The following RAG2 variants were observed in gnomAD, a reference collection of about 807,000 sequenced individuals.
The protein encoded by RAG2 is V(D)J recombination-activating protein 2.
RAG2 carries 16 observed loss-of-function variants against 31.8 expected under a neutral mutation model. The ratio of observed to expected loss-of-function variants is 0.50; its 90% CI spans 0.34 to 0.76. The LOEUF is 0.76. RAG2 is among the 30% of genes least tolerant of loss of function. RAG2 has a pLI of 0.01. For synonymous variants in RAG2, 199 were observed against 215.9 expected, an observed-to-expected ratio of 0.92 and a Z score of 0.68; for missense variants, 622 against 628.5, an observed-to-expected ratio of 0.99 and a Z score of 0.11.
At position 36,592,273 on chromosome 11, in the gene RAG2, A is replaced by T; in HGVS notation, c.*312T>A. The T allele has an allele frequency of 2.9e-6, 1 of 340,944 alleles. No individual in the cohort carries two copies. The highest frequency in any genetic ancestry group is 5.5e-6 in the Non-Finnish European group (1 of 182,840). The allele number at this position is 340,944 out of a possible 1,614,324, so 21.1% of individuals were successfully genotyped here. A position where few individuals can be genotyped will look rare whatever the true frequency, so the allele number is the denominator to read the frequency against. On this transcript the variant is annotated 3_prime_UTR_variant, in exon 2 of 2. Transcript: ENST00000311485. ...ACCAAGACTTATATAATAAATATAA[A>T]CATACCTCGATGATTATTACTGCTT...
In RAG2 at chr11:36,594,387, G is replaced by A. The variant is rs1851118994; in HGVS notation, c.-27-192C>T. Reference sequence around the variant, plus strand: ...TACTGCCATTCCATCCAAGGAGCTGGGACATGTTTTAGCCACGGACTATAT... The same window carrying A: ...TACTGCCATTCCATCCAAGGAGCTGAGACATGTTTTAGCCACGGACTATAT... On this transcript the variant is annotated intron_variant, in intron 1 of 1. Transcript: ENST00000311485. 3 of 591,844 alleles carry A rather than the reference G, an allele frequency of 5.1e-6. No homozygotes were observed. In the African/African-American group the frequency reaches 5.6e-5, roughly 11 times the overall value. The allele number at this position is 591,844 out of a possible 1,614,324, so 36.7% of individuals were successfully genotyped here.
At chr11:36,596,853 G>A (rs542365740) in intron 1 of RAG2, among the ~76,000 whole-genome samples, 21 of 152,318 alleles carry the variant, frequency 1.4e-4, no homozygotes, top group Non-Finnish European at 2.4e-4. Context: ...CTTCTCGTAA[G>A]TGAAAACATG....
In RAG2 at chr11:36,593,789, T is replaced by C. The variant is rs1564997285; in HGVS notation, c.380A>G (p.Lys127Arg). ...TTCAGGAACATCTCCTACCAAGTCT[T>C]TCTCTGTGCAGCGAAAAGTAACCTT... ...NKKVTFRCTE[K>R]DLVGDVPEAR... The change falls in exon 2 of 2, where the codon AAA becomes AGA. Residue 127 changes from lysine to arginine, a missense_variant. Lys to Arg is a conservative substitution (Grantham distance 26). Coordinates refer to ENST00000311485, the MANE Select transcript of RAG2 (RefSeq NM_000536.4). 1.2e-6 allele frequency: 2 copies of C among 1,614,208 alleles called. No homozygotes were observed. Among genetic ancestry groups the C allele is most frequent in the Non-Finnish European group, 1.7e-6 (2 of 1,180,024 alleles).
At chr11:36,591,124 C>G (rs1403785988), downstream of RAG2, among the ~76,000 whole-genome samples, 1 of 151,930 alleles carries the variant, frequency 6.6e-6, no homozygotes, top group Non-Finnish European at 1.5e-5. Context: ...ATGGAAACAA[C>G]AAAAGATCAA....
Position 36,594,208 on chromosome 11 carries a change from T to C in RAG2, c.-27-13A>G. 2 of 1,435,046 alleles carry C rather than the reference T, an allele frequency of 1.4e-6. No individual in the cohort carries two copies. The highest frequency in any genetic ancestry group is 1.4e-5 in the African/African-American group (1 of 71,320). The allele number at this position is 1,435,046 out of a possible 1,614,324, so 88.9% of individuals were successfully genotyped here. ...CGTAGATTTTTGTCTGAAAGAATTA[T>C]AAAATAAAATGACTTAGAGATCGCT... On this transcript the variant is annotated splice_polypyrimidine_tract_variant and intron_variant, in intron 1 of 1. Coordinates refer to ENST00000311485, the MANE Select transcript of RAG2 (RefSeq NM_000536.4).
chr11:36,594,241 A>G, intron 1 of RAG2, 46 bp from the exon 2 acceptor site: 2 of 1,217,944 alleles, frequency 1.6e-6, no homozygotes, highest in Non-Finnish European at 2.4e-6. Context: ...GCTTCATATA[A>G]TCATCGTATT....
Position 36,592,754 on chromosome 11 carries a change from C to T in RAG2, c.1415G>A (p.Gly472Glu), listed in dbSNP as rs1425133229. The T allele has an allele frequency of 6.2e-7, 1 of 1,614,084 alleles. No individual in the cohort carries two copies. Among genetic ancestry groups the T allele is most frequent in the Admixed American group, 1.7e-5 (1 of 60,020 alleles). ...CTCATTGCAGTAATACTTGTTGCTT[C>T]CTGCTGACAGATGGATGAGTGTGCG... ...AERTLIHLSA[G>E]SNKYYCNEHV... The change falls in exon 2 of 2, where the codon GGA (glycine) becomes GAA (glutamate). Residue 472 changes from glycine to glutamate, a missense_variant. Physicochemically the swap from Gly to Glu is moderately conservative, Grantham distance 98. Transcript: ENST00000311485.
chr11:36,592,537 A>T lies in RAG2; in HGVS notation c.*48T>A, dbSNP rs776446942. ...TAAAATCAATGTTATGATTTTAAAA[A>T]TAGATTCAAAAATTCCATACACCTG... is the stretch of plus-strand genomic sequence containing the variant. On this transcript the variant is annotated 3_prime_UTR_variant, in exon 2 of 2. Coordinates refer to ENST00000311485, the MANE Select transcript of RAG2 (RefSeq NM_000536.4). The T allele has an allele frequency of 2.5e-6, 4 of 1,596,714 alleles. No homozygotes were observed. In the African/African-American group the frequency reaches 5.4e-5, roughly 22 times the overall value.
chr11:36,592,230 C>G lies in RAG2; in HGVS notation c.*355G>C. On this transcript the variant is annotated 3_prime_UTR_variant, in exon 2 of 2. Transcript: ENST00000311485. ...TTATTGGCTAAATTTGTCATAAACA[C>G]TTTATAGGTTATTTGTTACCAAGAC... 1 of 257,070 alleles carries G rather than the reference C, an allele frequency of 3.9e-6. No homozygotes were observed. The highest frequency in any genetic ancestry group is 7.6e-6 in the Non-Finnish European group (1 of 131,892). 15.9% of individuals were successfully genotyped at this position (257,070 alleles called of 1,614,324 possible). A position where few individuals can be genotyped will look rare whatever the true frequency, so the allele number is the denominator to read the frequency against.
downstream of RAG2, among the ~76,000 whole-genome samples, chr11:36,591,303 G>A (rs79510433): frequency 7.2e-5 from 11 of 152,208 alleles, no homozygotes; most frequent in East Asian, 1.9e-4. Context: ...CATGTTTCCC[G>A]TAAATTTGTT....
rs370447243 is a variant in RAG2, at chr11:36,594,023, T to G, written c.146A>C (p.Asp49Ala). 20 of 1,614,072 alleles carry G rather than the reference T, an allele frequency of 1.2e-5. No individual in the cohort carries two copies. Among genetic ancestry groups the G allele is most frequent in the Non-Finnish European group, 1.5e-5 (18 of 1,180,036 alleles). ...RSCPTGVFHLDVKHNHVKLKP... is the reference protein window; with the variant it reads ...RSCPTGVFHLAVKHNHVKLKP... ...CAGTTTGACATGGTTATGCTTTACA[T>G]CCAGATGGAAAACTCCAGTGGGGCA... is the stretch of plus-strand genomic sequence containing the variant. Residue 49 changes from aspartate (D) to alanine (A), a missense_variant, in exon 2 of 2, where the codon GAT becomes GCT. Asp to Ala is a moderately radical substitution (Grantham distance 126, BLOSUM62 -2). Coordinates refer to ENST00000311485, the MANE Select transcript of RAG2 (RefSeq NM_000536.4).
chr11:36,596,541 A>G (rs571650864), intron 1 of RAG2, among the ~76,000 whole-genome samples: 1 of 152,346 alleles, frequency 6.6e-6, no homozygotes, highest in Admixed American at 6.5e-5. Flanking sequence ...GCAACTATGA[A>G]AAATGCTATT....
At position 36,593,540 on chromosome 11, in the gene RAG2, A is replaced by T; in HGVS notation, c.629T>A (p.Ile210Asn). The T allele has an allele frequency of 6.2e-7, 1 of 1,614,174 alleles. No homozygotes were observed. ...LQDGLSFHVS[I>N]AKNDTIYILG... ...AATATAGATGGTGTCATTTTTGGCA[A>T]TAGAGACATGAAAAGATAGCCCATC... The change falls in exon 2 of 2, where the codon ATT (isoleucine) becomes AAT (asparagine). Residue 210 changes from isoleucine (I) to asparagine (N), a missense_variant. Ile to Asn is a moderately radical substitution (Grantham distance 149). Transcript: ENST00000311485.
Position 36,598,225 on chromosome 11 carries a change from T to G in RAG2, c.-151A>C, listed in dbSNP as rs886048273. Reference sequence around the variant, plus strand: ...TGACTGTGGCAAGCAGAAGGCTGACTGTAAAGAGAGTGTGTATGTGTGCCT... The same window carrying G: ...TGACTGTGGCAAGCAGAAGGCTGACGGTAAAGAGAGTGTGTATGTGTGCCT... On this transcript the variant is annotated 5_prime_UTR_variant, in exon 1 of 2. Coordinates refer to ENST00000311485, the MANE Select transcript of RAG2 (RefSeq NM_000536.4). 3.3e-5 allele frequency: 5 copies of G among 151,998 alleles called. No individual in the cohort carries two copies. Among genetic ancestry groups the G allele is most frequent in the Non-Finnish European group, 2.9e-5 (2 of 68,030 alleles). 9.4% of individuals were successfully genotyped at this position (151,998 alleles called of 1,614,324 possible). A position where few individuals can be genotyped will look rare whatever the true frequency, so the allele number is the denominator to read the frequency against.
rs529362474 is a variant in RAG2, at chr11:36,596,936, C to T, written c.-28+1166G>A. Among the ~76,000 whole-genome samples, 12 of 152,254 alleles carry T rather than the reference C, an allele frequency of 7.9e-5. No individual in the cohort carries two copies. The East Asian group carries it at 1.9e-3, about 25-fold the overall frequency. ...GGATTGTCCATTTTTGTAGCTTAGTCTAGGCCCCTAAAGATTTTTGAAACA... is the reference window on the plus strand; with the variant it reads ...GGATTGTCCATTTTTGTAGCTTAGTTTAGGCCCCTAAAGATTTTTGAAACA... On this transcript the variant is annotated intron_variant, in intron 1 of 1. Coordinates refer to ENST00000311485, the MANE Select transcript of RAG2 (RefSeq NM_000536.4).
Position 36,598,088 on chromosome 11 carries a change from G to A in RAG2, c.-28+14C>T, listed in dbSNP as rs1590726019. On this transcript the variant is annotated intron_variant, in intron 1 of 1. Transcript: ENST00000311485. Reference sequence around the variant, plus strand: ...ATTTTTTAGCTTTGGTAGAAATGAAGGTATCAGACCTACCTGAAGGCCAGA... The same window carrying A: ...ATTTTTTAGCTTTGGTAGAAATGAAAGTATCAGACCTACCTGAAGGCCAGA... 1 of 151,980 alleles carries A rather than the reference G, an allele frequency of 6.6e-6. No homozygotes were observed. The highest frequency in any genetic ancestry group is 2.1e-4 in the South Asian group (1 of 4,818). The allele number at this position is 151,980 out of a possible 1,614,324, so 9.4% of individuals were successfully genotyped here. A position where few individuals can be genotyped will look rare whatever the true frequency, so the allele number is the denominator to read the frequency against.
chr11:36,592,000 T>C lies in RAG2; in HGVS notation c.*585A>G, dbSNP rs1590712497. The C allele has an allele frequency of 6.5e-6, 1 of 154,286 alleles. No individual in the cohort carries two copies. Among genetic ancestry groups the C allele is most frequent in the South Asian group, 2.0e-4 (1 of 4,936 alleles). The allele number at this position is 154,286 out of a possible 1,614,324, so 9.6% of individuals were successfully genotyped here. On this transcript the variant is annotated 3_prime_UTR_variant, in exon 2 of 2. Coordinates refer to ENST00000311485, the MANE Select transcript of RAG2 (RefSeq NM_000536.4). ...CAGTGGAGAACATTATCTATCTATATGTATACATATATTTATATTTATATC... is the reference window on the plus strand; with the variant it reads ...CAGTGGAGAACATTATCTATCTATACGTATACATATATTTATATTTATATC...
In RAG2 at chr11:36,593,556, A is replaced by C. The variant is rs1276992356; in HGVS notation, c.613T>G (p.Ser205Ala). The change falls in exon 2 of 2, where the codon TCT becomes GCT. Residue 205 changes from serine (S) to alanine (A), a missense_variant. Coordinates refer to ENST00000311485, the MANE Select transcript of RAG2 (RefSeq NM_000536.4). ...YILPELQDGL[S>A]FHVSIAKNDT... ...TTTTTGGCAATAGAGACATGAAAAG[A>C]TAGCCCATCCTGAAGTTCTGGAAGA... The C allele has an allele frequency of 6.2e-7, 1 of 1,614,212 alleles. No individual in the cohort carries two copies. The highest frequency in any genetic ancestry group is 8.5e-7 in the Non-Finnish European group (1 of 1,180,024).
Position 36,593,616 on chromosome 11 carries a change from C to T in RAG2, c.553G>A (p.Val185Met). 1 of 1,614,172 alleles carries T rather than the reference C, an allele frequency of 6.2e-7. No homozygotes were observed. Among genetic ancestry groups the T allele is most frequent in the Non-Finnish European group, 8.5e-7 (1 of 1,180,024 alleles). The change falls in exon 2 of 2, where the codon GTG (valine) becomes ATG (methionine). Residue 185 changes from valine to methionine, a missense_variant. Val to Met is a conservative substitution (Grantham distance 21, BLOSUM62 1). Transcript: ENST00000311485. ...GTAGCACACCCAAATTCAAAATCCA[C>T]CAGGAAAACACAGGGCAGGCAGTCA... ...VADCLPCVFL[V>M]DFEFGCATSY...
Sources: gnomAD v4.1 joint callset for allele counts (sites outside exome capture counted in the v4.1 genomes callset) on GRCh38, gnomAD v4.1.1 for gene constraint, MANE v1.5 for transcripts, NCBI Gene and HGNC (gene_info 2026-07-23, HGNC 2026-07-21) for gene names.